The following PKN2 variants were observed in gnomAD, a reference collection of about 807,000 sequenced individuals.
The protein encoded by PKN2 is serine/threonine-protein kinase N2.
A neutral mutation model predicts 119.1 loss-of-function variants in PKN2; 38 were observed. The observed-to-expected ratio is 0.32, with a 90% confidence interval of 0.25 to 0.42. PKN2 has a LOEUF of 0.42. Among genes scored for constraint, PKN2 ranks in the 10% least tolerant of loss-of-function variants. The probability of loss-of-function intolerance (pLI) is 1.00; values close to 1 mark genes in which losing one functional copy is unlikely to be tolerated. For missense variants in PKN2, 850 were observed against 1,165.1 expected (o/e 0.73, Z 3.94); for synonymous variants, 390 against 384.9 (o/e 1.01, Z -0.15).
At chr1:88,829,842 CAG>C (rs1402649881) in intron 19 of PKN2, among the ~76,000 whole-genome samples, 1 of 152,124 alleles carries the variant, frequency 6.6e-6, no homozygotes, top group Non-Finnish European at 1.5e-5. Flanking sequence ...AATTGAATAT[CAG>C]AAATTTCTAA....
At chr1:88,702,083 C>T (rs565028611) in intron 1 of PKN2, among the ~76,000 whole-genome samples, 32 of 152,076 alleles carry the variant, frequency 2.1e-4, no homozygotes, top group Non-Finnish European at 3.5e-4. Context: ...CTCAGCCTCC[C>T]GAGTAGCTGG....
chr1:88,754,229 T>C (rs910678881), intron 2 of PKN2, among the ~76,000 whole-genome samples: 2 of 151,626 alleles, frequency 1.3e-5, no homozygotes, highest in African/African-American at 4.8e-5. Context: ...TTGGAGCTTA[T>C]TTTTTTTTCT....
chr1:88,769,223 T>A (rs962052597), intron 3 of PKN2, among the ~76,000 whole-genome samples: 7 of 152,180 alleles, frequency 4.6e-5, no homozygotes, highest in African/African-American at 1.7e-4. Context: ...AATCTTAAGA[T>A]ATAACAGAAG....
intron 1 of PKN2, among the ~76,000 whole-genome samples, chr1:88,732,782 G>GT (rs1440675821): frequency 2.6e-5 from 4 of 151,986 alleles, no homozygotes; most frequent in Non-Finnish European, 4.4e-5. Flanking sequence ...ATGAAGTCTT[G>GT]TAAGTGGATA....
At chr1:88,693,001 T>G (rs1666390464) in intron 1 of PKN2, among the ~76,000 whole-genome samples, 1 of 152,228 alleles carries the variant, frequency 6.6e-6, no homozygotes, top group Admixed American at 6.5e-5. Context: ...TAGGAAGTTG[T>G]ATAAAATATT....
chr1:88,816,244 T>TTTTG (rs890760051), intron 16 of PKN2, among the ~76,000 whole-genome samples: 3 of 152,092 alleles, frequency 2.0e-5, no homozygotes, highest in East Asian at 1.9e-4. Context: ...TCTTAAGCAA[T>TTTTG]TTTGTTTGTT....
intron 18 of PKN2, 49 bp from the exon 19 acceptor site, chr1:88,828,432 C>T (rs1179786985): frequency 3.4e-6 from 5 of 1,483,656 alleles, no homozygotes; most frequent in African/African-American, 2.8e-5. Flanking sequence ...TTTTTTTATG[C>T]TAGATTTGTT....
At chr1:88,757,011 G>A (rs1279818937) in intron 2 of PKN2, among the ~76,000 whole-genome samples, 2 of 152,028 alleles carry the variant, frequency 1.3e-5, no homozygotes, top group Admixed American at 6.6e-5. Flanking sequence ...TCAAACCTGG[G>A]CAGCCTCAAC....
intron 1 of PKN2, among the ~76,000 whole-genome samples, chr1:88,729,092 C>T (rs1018768362): frequency 6.6e-6 from 1 of 152,036 alleles, no homozygotes; most frequent in African/African-American, 2.4e-5. Context: ...TGGGGTTTCT[C>T]CATGTTGGCC....
intron 2 of PKN2, among the ~76,000 whole-genome samples, chr1:88,756,885 G>A (rs1357378872): frequency 6.6e-6 from 1 of 151,962 alleles, no homozygotes; most frequent in East Asian, 1.9e-4. Context: ...CTATAATCCT[G>A]TGAGGTACAT....
At position 88,810,778 on chromosome 1, in the gene PKN2, T is replaced by C. The variant is rs905041320; in HGVS notation, c.2103-2779T>C. On this transcript the variant is annotated intron_variant, in intron 15 of 21. Coordinates refer to ENST00000370521, the MANE Select transcript of PKN2 (RefSeq NM_006256.4). Reference sequence around the variant, plus strand: ...TGCACCACCATGCCCAGTTCATTTTTGTATTTTTAGTACAGACAGGGTTTC... The same window carrying C: ...TGCACCACCATGCCCAGTTCATTTTCGTATTTTTAGTACAGACAGGGTTTC... Among the ~76,000 whole-genome samples the C allele has an allele frequency of 2.0e-5, 3 of 151,978 alleles. No homozygotes were observed. The East Asian group carries it at 5.8e-4, about 30-fold the overall frequency.
chr1:88,800,038 C>T (rs1442720929), intron 8 of PKN2, among the ~76,000 whole-genome samples: 1 of 152,190 alleles, frequency 6.6e-6, no homozygotes, highest in Non-Finnish European at 1.5e-5. Flanking sequence ...TTAGTGGCAA[C>T]AGAAAGCTTT....
intron 8 of PKN2, among the ~76,000 whole-genome samples, chr1:88,786,770 G>A (rs1670595989): frequency 1.3e-5 from 2 of 151,904 alleles, no homozygotes; most frequent in African/African-American, 2.4e-5. Flanking sequence ...AAACGTAATC[G>A]TAATTTTATC....
In PKN2 at chr1:88,807,871, G is replaced by T. The variant is rs1472237799; in HGVS notation, c.2102+96G>T. On this transcript the variant is annotated intron_variant, in intron 15 of 21. Transcript: ENST00000370521. ...AACAGCAAAACTTTATGATTTTACA[G>T]TAATATGTGAAGAAATTAAATATAA... 3 of 689,770 alleles carry T rather than the reference G, an allele frequency of 4.3e-6. No homozygotes were observed. In the East Asian group the frequency reaches 7.9e-5, roughly 18 times the overall value. The allele number at this position is 689,770 out of a possible 1,614,324, so 42.7% of individuals were successfully genotyped here.
intron 3 of PKN2, among the ~76,000 whole-genome samples, chr1:88,767,702 T>C (rs1229413183): frequency 6.6e-6 from 1 of 152,220 alleles, no homozygotes; most frequent in African/African-American, 2.4e-5. Flanking sequence ...AGAAGCTATT[T>C]GCTAAATGAC....
chr1:88,784,067 C>T (rs1670465826), intron 6 of PKN2, among the ~76,000 whole-genome samples: 1 of 150,030 alleles, frequency 6.7e-6, no homozygotes, highest in Non-Finnish European at 1.5e-5. Context: ...CCTCTACCAA[C>T]ATAGTTTATG....
At chr1:88,730,201 G>C (rs1184682974) in intron 1 of PKN2, among the ~76,000 whole-genome samples, 3 of 152,028 alleles carry the variant, frequency 2.0e-5, no homozygotes, top group African/African-American at 7.2e-5. Context: ...ATGGCCTACA[G>C]GGCCCTATAT....
chr1:88,803,413 T>C (rs1035816670), intron 8 of PKN2, among the ~76,000 whole-genome samples: 1 of 152,230 alleles, frequency 6.6e-6, no homozygotes, highest in African/African-American at 2.4e-5. Flanking sequence ...ATAAGTAATT[T>C]ATTGCTTTGT....
Position 88,741,174 on chromosome 1 carries a change from T to A in PKN2, c.235T>A (p.Leu79Met), listed in dbSNP as rs534807987. 1 of 1,609,962 alleles carries A rather than the reference T, an allele frequency of 6.2e-7. No individual in the cohort carries two copies. The highest frequency in any genetic ancestry group is 2.2e-5 in the East Asian group (1 of 44,762). ...LRKVTTDKKS[L>M]AYVDNILKKS... The stretch of plus-strand genomic sequence containing the variant: ...GAAAGTCACAACAGATAAAAAAAGT[T>A]TGGCTTATGTAGACAACATTTTGAA... Residue 79 changes from leucine (L) to methionine (M), a missense_variant, in exon 2 of 22, where the codon TTG becomes ATG. This residue lies in a region of PKN2 where 350 missense variants were observed against 511.1 expected (regional missense o/e 0.68). Transcript: ENST00000370521.
Sources: gnomAD v4.1 joint callset for allele counts (sites outside exome capture counted in the v4.1 genomes callset) on GRCh38, gnomAD v4.1.1 for gene constraint, gnomAD v4.1.1 regional missense constraint, MANE v1.5 for transcripts, NCBI Gene and HGNC (gene_info 2026-07-23, HGNC 2026-07-21) for gene names.